OTOGL: variants seen among roughly 807,000 people sequenced by gnomAD.
The protein encoded by OTOGL is otogelin like, also known as otogelin-like protein.
OTOGL carries 285 observed loss-of-function variants against 318.5 expected under a neutral mutation model. The ratio of observed to expected loss-of-function variants is 0.89; its 90% confidence interval spans 0.81 to 0.99. The LOEUF (loss-of-function observed/expected upper bound fraction) is 0.99. Among genes scored for constraint, OTOGL ranks in the 50% least tolerant of loss-of-function variants. The pLI is 0.00. For synonymous variants in OTOGL, 987 were observed against 936.5 expected (o/e 1.05, Z -0.99); for missense variants, 2,899 against 2,845.6 (o/e 1.02, Z -0.43).
chr12:80,139,640 CT>C (rs1462708279), intron 1 of OTOGL, among the ~76,000 whole-genome samples: 3 of 152,180 alleles, frequency 2.0e-5, no homozygotes, highest in African/African-American at 7.2e-5. Context: ...CAAATTCAAG[CT>C]CTTTGAGGGA....
chr12:80,239,003 G>A, intron 10 of OTOGL, 25 bp downstream of exon 10: 1 of 1,586,236 alleles, frequency 6.3e-7, no homozygotes, highest in Non-Finnish European at 8.5e-7. Flanking sequence ...AGAAATGTGG[G>A]CATGTCAGAC....
At chr12:80,155,519 G>A (rs1454996669) in intron 1 of OTOGL, among the ~76,000 whole-genome samples, 8 of 151,956 alleles carry the variant, frequency 5.3e-5, no homozygotes, top group Admixed American at 5.2e-4. Context: ...CAAGAGATAG[G>A]GTACATGAGA....
chr12:80,192,990 TA>T (rs386377113), intron 1 of OTOGL, among the ~76,000 whole-genome samples: 3 of 149,286 alleles, frequency 2.0e-5, no homozygotes, highest in African/African-American at 7.4e-5. Flanking sequence ...TTGAAAATAC[TA>T]AAAAAAAAAC....
chr12:80,110,669 TA>T (rs1340502879), intron 1 of OTOGL, among the ~76,000 whole-genome samples: 1 of 152,216 alleles, frequency 6.6e-6, no homozygotes, highest in African/African-American at 2.4e-5. Context: ...ACATTTGGGT[TA>T]GTTCCAAGTC....
intron 52 of OTOGL, among the ~76,000 whole-genome samples, chr12:80,362,337 A>G (rs1216920636): frequency 6.6e-6 from 1 of 152,090 alleles, no homozygotes; most frequent in South Asian, 2.1e-4. Context: ...TTATTGGTCT[A>G]TGTGTCTGTT....
In OTOGL at chr12:80,233,009, C is replaced by G. The variant is rs1448603209; in HGVS notation, c.729C>G (p.Leu243=). Residue 243 remains leucine (L), a synonymous_variant, in exon 9 of 59, where the codon CTC becomes CTG. Transcript: ENST00000547103. ...LAWDGISGIY[L]KLSEDHKGKS... ...GGGACGGGATATCTGGGATCTACCT[C>G]AAGCTGTCTGAGGACCATAAGGGGA... is the stretch of plus-strand genomic sequence containing the variant. 8 of 1,598,804 alleles carry G rather than the reference C, an allele frequency of 5.0e-6. No individual in the cohort carries two copies. Among genetic ancestry groups the G allele is most frequent in the Non-Finnish European group, 6.8e-6 (8 of 1,179,180 alleles).
At chr12:80,242,135 G>A (rs1880436524) in intron 11 of OTOGL, among the ~76,000 whole-genome samples, 1 of 152,134 alleles carries the variant, frequency 6.6e-6, no homozygotes, top group Non-Finnish European at 1.5e-5. Context: ...AGGAGAAGGG[G>A]GAACTGGAGA....
chr12:80,175,089 A>G (rs1874445965), intron 1 of OTOGL, among the ~76,000 whole-genome samples: 1 of 152,308 alleles, frequency 6.6e-6, no homozygotes, highest in Non-Finnish European at 1.5e-5. Flanking sequence ...CAAAGGCACA[A>G]CAGTACAGTT....
chr12:80,296,956 A>G lies in OTOGL; in HGVS notation c.3058A>G (p.Lys1020Glu). 6.5e-7 allele frequency: 1 copy of G among 1,545,806 alleles called. No homozygotes were observed. Among genetic ancestry groups the G allele is most frequent in the Non-Finnish European group, 8.7e-7 (1 of 1,146,606 alleles). ...TEIYLNDTPYKQKQSGFFLEN... is the reference protein window; with the variant it reads ...TEIYLNDTPYEQKQSGFFLEN... Reference sequence around the variant, plus strand: ...AATTTACCTGAATGATACTCCTTACAAACAGGTTAGTGAATTATTTCTTTC... The same window carrying G: ...AATTTACCTGAATGATACTCCTTACGAACAGGTTAGTGAATTATTTCTTTC... The change falls in exon 27 of 59, where the codon AAA becomes GAA. Residue 1020 changes from lysine to glutamate, a missense_variant. Lys to Glu is a moderately conservative substitution (Grantham distance 56, BLOSUM62 1). Around this residue, in one of 3 missense-constraint regions of OTOGL, gnomAD observed 2,607 missense variants for 2,524.9 expected, o/e 1.03. Coordinates refer to ENST00000547103, the MANE Select transcript of OTOGL (RefSeq NM_001378609.3).
At chr12:80,188,751 T>C (rs1875477078) in intron 1 of OTOGL, among the ~76,000 whole-genome samples, 1 of 152,080 alleles carries the variant, frequency 6.6e-6, no homozygotes, top group Non-Finnish European at 1.5e-5. Context: ...GTTATATAAA[T>C]AAAGCCATCT....
chr12:80,278,991 TTTCTTTA>T, intron 25 of OTOGL, 30 bp from the exon 26 acceptor site: 25 of 1,562,464 alleles, frequency 1.6e-5, no homozygotes, highest in East Asian at 4.5e-5. Flanking sequence ...GTTAGAGTCG[TTTCTTTA>T]GAAAGGTAAC....
chr12:80,224,878 T>A (rs1878684995), intron 7 of OTOGL, among the ~76,000 whole-genome samples: 2 of 152,166 alleles, frequency 1.3e-5, no homozygotes, highest in South Asian at 4.1e-4. Context: ...TGTACATTTT[T>A]AAATAACTTA....
intron 23 of OTOGL, among the ~76,000 whole-genome samples, chr12:80,270,819 C>A (rs966516358): frequency 1.3e-5 from 2 of 151,952 alleles, no homozygotes; most frequent in Non-Finnish European, 2.9e-5. Flanking sequence ...TATAAAGAGC[C>A]TCAAATTCTC....
chr12:80,102,544 A>G (rs1869202911), intron 1 of OTOGL, among the ~76,000 whole-genome samples: 1 of 152,122 alleles, frequency 6.6e-6, no homozygotes, highest in Admixed American at 6.5e-5. Flanking sequence ...CTACTTCTCT[A>G]CATCTCCACT....
intron 26 of OTOGL, among the ~76,000 whole-genome samples, chr12:80,288,682 A>G (rs1334050243): frequency 6.6e-6 from 1 of 151,420 alleles, no homozygotes; most frequent in African/African-American, 2.4e-5. Flanking sequence ...TGCTTGATTC[A>G]TTTGGCTATT....
intron 1 of OTOGL, among the ~76,000 whole-genome samples, chr12:80,117,208 C>G (rs1228292550): frequency 6.6e-6 from 1 of 152,036 alleles, no homozygotes; most frequent in East Asian, 1.9e-4. Flanking sequence ...TCTTAGTTAC[C>G]ATGTTAACTA....
At position 80,257,805 on chromosome 12, in the gene OTOGL, C is replaced by T. The variant is rs377344151; in HGVS notation, c.1712-20C>T. 3.3e-4 allele frequency: 513 copies of T among 1,538,328 alleles called. 2 individuals carry two copies. Among genetic ancestry groups the T allele is most frequent in the Admixed American group, 4.4e-4 (23 of 52,844 alleles). On this transcript the variant is annotated intron_variant, in intron 17 of 58. Coordinates refer to ENST00000547103, the MANE Select transcript of OTOGL (RefSeq NM_001378609.3). ...GTCTATGAATGTCAAAGCTGATTTA[C>T]GTATGTTCTTTTCCTGCAGGTATTG...
intron 15 of OTOGL, 99 bp from the exon 16 acceptor site, chr12:80,254,941 T>G: frequency 9.8e-7 from 1 of 1,019,234 alleles, no homozygotes; most frequent in Non-Finnish European, 1.3e-6. Flanking sequence ...TAAGTTGATC[T>G]GCTTTTAAAG....
intron 1 of OTOGL, among the ~76,000 whole-genome samples, chr12:80,119,420 G>T (rs1207953165): frequency 6.6e-6 from 1 of 152,180 alleles, no homozygotes; most frequent in Non-Finnish European, 1.5e-5. Flanking sequence ...GCAGTCTGCT[G>T]CTAGTGTTAT....
Sources: allele counts gnomAD v4.1 joint callset (sites outside exome capture counted in the v4.1 genomes callset), GRCh38; gene constraint gnomAD v4.1.1; regional missense constraint gnomAD v4.1.1; transcripts MANE v1.5; gene names NCBI Gene and HGNC (gene_info 2026-07-23, HGNC 2026-07-21).